The following CSMD1 variants were observed in gnomAD, a reference collection of about 807,000 sequenced individuals.
The protein encoded by CSMD1 is CUB and sushi domain-containing protein 1.
CSMD1 carries 213 observed loss-of-function variants against 417.5 expected under a neutral mutation model. The observed-to-expected ratio is 0.51, with a 90% confidence interval of 0.46 to 0.57. CSMD1 has a LOEUF of 0.57. Ranked by LOEUF, CSMD1 falls within the 20% of genes least tolerant of loss-of-function variation. The probability of loss-of-function intolerance (pLI) is 0.00; values close to 1 mark genes in which losing one functional copy is unlikely to be tolerated. For synonymous variants in CSMD1, 2,862 were observed against 1,736.8 expected (o/e 1.65, Z -16.11); for missense variants, 6,923 against 4,529.7 (o/e 1.53, Z -15.17).
rs190535975 is a variant in CSMD1, at chr8:4,012,417, T to C, written c.611-14307A>G. ...CCAGTTTGCGTCGCGTGGATTTATT[T>C]TTATGTTTTATTCTTAACTTTTATT... is the stretch of plus-strand genomic sequence containing the variant. On this transcript the variant is annotated intron_variant, in intron 4 of 69. Coordinates refer to ENST00000635120, the MANE Select transcript of CSMD1 (RefSeq NM_033225.6). Among the ~76,000 whole-genome samples, 4 of 152,292 alleles carry C rather than the reference T, an allele frequency of 2.6e-5. No homozygotes were observed. The East Asian group carries it at 7.7e-4, about 29-fold the overall frequency.
chr8:3,127,972 G>T, intron 41 of CSMD1: 1 of 108,374 alleles, frequency 9.2e-6, no homozygotes. Context: ...GGGAGGGAGG[G>T]AAGGAAAGAA....
chr8:4,452,390 G>A (rs1427075104), intron 2 of CSMD1, among the ~76,000 whole-genome samples: 2 of 152,196 alleles, frequency 1.3e-5, no homozygotes, highest in Admixed American at 6.5e-5. Context: ...AGCCTCGAGG[G>A]CTTGGGGTTC....
intron 50 of CSMD1, among the ~76,000 whole-genome samples, chr8:3,042,532 G>T (rs7826843): frequency 0.31 from 47,471 of 152,014 alleles, 7,847 homozygotes; most frequent in Non-Finnish European, 0.37. Context: ...TCCCGTCGAA[G>T]CACAGCTGAA....
chr8:4,489,608 G>A (rs1006040190), intron 2 of CSMD1, among the ~76,000 whole-genome samples: 2 of 152,098 alleles, frequency 1.3e-5, no homozygotes, highest in Non-Finnish European at 2.9e-5. Context: ...TCTCTTTAGT[G>A]TGGCATGGCC....
chr8:3,403,631 G>C (rs1407339323), intron 15 of CSMD1, among the ~76,000 whole-genome samples: 1 of 152,178 alleles, frequency 6.6e-6, no homozygotes, highest in Non-Finnish European at 1.5e-5. Context: ...AGGACATAAG[G>C]CACAGCTTGA....
At chr8:3,284,729 T>C (rs1803017747) in intron 25 of CSMD1, 1 of 216,900 alleles carries the variant, frequency 4.6e-6, no homozygotes, top group Admixed American at 5.2e-5. Flanking sequence ...GAAGGCAGCT[T>C]CGGTGCAGTC....
At chr8:3,403,667 G>A (rs747705675) in intron 15 of CSMD1, among the ~76,000 whole-genome samples, 1 of 152,202 alleles carries the variant, frequency 6.6e-6, no homozygotes, top group Non-Finnish European at 1.5e-5. Flanking sequence ...GAACAGAGAT[G>A]AGAGTGTAGT....
At chr8:4,219,054 A>C (rs1168243419) in intron 3 of CSMD1, among the ~76,000 whole-genome samples, 1 of 152,174 alleles carries the variant, frequency 6.6e-6, no homozygotes, top group Non-Finnish European at 1.5e-5. Flanking sequence ...GTCATACGTT[A>C]GAGGTACACC....
intron 17 of CSMD1, among the ~76,000 whole-genome samples, chr8:3,394,015 TATATATATA>T (rs1811520845): frequency 1.4e-4 from 6 of 43,962 alleles, no homozygotes; most frequent in East Asian, 6.1e-4. Context: ...AAATAAATTA[TATATATATA>T]TATATATATA....
intron 3 of CSMD1, among the ~76,000 whole-genome samples, chr8:4,197,052 T>C (rs550978352): frequency 3.9e-5 from 6 of 152,326 alleles, no homozygotes; most frequent in Non-Finnish European, 5.9e-5. Context: ...TTAACAATTA[T>C]TCACTGAGAG....
intron 2 of CSMD1, among the ~76,000 whole-genome samples, chr8:4,614,445 CT>C (rs1168532739): frequency 1.3e-5 from 2 of 152,140 alleles, no homozygotes; most frequent in African/African-American, 2.4e-5. Flanking sequence ...CTAACCTTTG[CT>C]TTTTATTTGG....
chr8:3,309,715 A>C (rs1805180076), intron 23 of CSMD1, among the ~76,000 whole-genome samples: 1 of 152,232 alleles, frequency 6.6e-6, no homozygotes. Flanking sequence ...AAAAGAAATT[A>C]AATTTTGAAA....
chr8:4,208,273 G>C (rs905536484), intron 3 of CSMD1, among the ~76,000 whole-genome samples: 6 of 151,938 alleles, frequency 3.9e-5, no homozygotes, highest in African/African-American at 1.4e-4. Flanking sequence ...AATACACAGA[G>C]GACAAGAAAC....
intron 23 of CSMD1, among the ~76,000 whole-genome samples, chr8:3,336,191 T>C (rs1807252110): frequency 6.6e-6 from 1 of 152,040 alleles, no homozygotes; most frequent in Non-Finnish European, 1.5e-5. Context: ...TTTTCATCAG[T>C]ATTAAGTTAG....
At chr8:4,269,651 C>A (rs1437926109) in intron 3 of CSMD1, among the ~76,000 whole-genome samples, 1 of 152,104 alleles carries the variant, frequency 6.6e-6, no homozygotes, top group Non-Finnish European at 1.5e-5. Flanking sequence ...ATGACTTTAT[C>A]AGGTTGCCTG....
chr8:3,234,217 A>C (rs543430849), intron 26 of CSMD1, among the ~76,000 whole-genome samples: 3 of 152,274 alleles, frequency 2.0e-5, no homozygotes, highest in South Asian at 4.1e-4. Flanking sequence ...TCTGCATTTC[A>C]TATCAACCGG....
chr8:3,284,108 T>C (rs1802954392), intron 26 of CSMD1, 36 bp downstream of exon 26: 8 of 1,466,376 alleles, frequency 5.5e-6, no homozygotes, highest in South Asian at 1.2e-5. Flanking sequence ...AAGACTTTGA[T>C]ATCAAGGTAA....
intron 3 of CSMD1, among the ~76,000 whole-genome samples, chr8:4,371,463 G>C (rs1283654516): frequency 1.3e-5 from 2 of 152,122 alleles, no homozygotes; most frequent in Non-Finnish European, 2.9e-5. Flanking sequence ...GGCATGTCTG[G>C]GGATAGAAAA....
chr8:4,158,543 C>G (rs1234126922), intron 3 of CSMD1, among the ~76,000 whole-genome samples: 1 of 152,180 alleles, frequency 6.6e-6, no homozygotes, highest in East Asian at 1.9e-4. Context: ...AACACAGCCG[C>G]TAGGTTGTGT....
Sources: gnomAD v4.1 joint callset for allele counts (sites outside exome capture counted in the v4.1 genomes callset) on GRCh38, gnomAD v4.1.1 for gene constraint, MANE v1.5 for transcripts, NCBI Gene and HGNC (gene_info 2026-07-23, HGNC 2026-07-21) for gene names.